Variants in TMCC1 observed in about 807,000 individuals in gnomAD.
The protein encoded by TMCC1 is transmembrane and coiled-coil domains protein 1.
In TMCC1, 15 loss-of-function variants were observed where a neutral mutation model predicts 52.4. That is an observed-to-expected ratio of 0.29 (90% CI 0.19 to 0.44). The LOEUF (loss-of-function observed/expected upper bound fraction) is 0.44, where lower values mean the gene tolerates loss of function less well. Among genes scored for constraint, TMCC1 ranks in the 20% least tolerant of loss-of-function variants. The pLI, the probability that TMCC1 is intolerant of heterozygous loss-of-function variation, is 1.00. For missense variants in TMCC1, 503 were observed against 806.0 expected (o/e 0.62, Z 4.55); for synonymous variants, 279 against 301.9 (o/e 0.92, Z 0.79).
chr3:129,725,478 C>A (rs2050001176), intron 4 of TMCC1, among the ~76,000 whole-genome samples: 1 of 151,482 alleles, frequency 6.6e-6, no homozygotes, highest in Non-Finnish European at 1.5e-5. Flanking sequence ...CGAAACATAG[C>A]ATCTTATTTT....
intron 4 of TMCC1, among the ~76,000 whole-genome samples, chr3:129,796,497 C>T (rs1248316412): frequency 6.6e-6 from 1 of 152,112 alleles, no homozygotes; most frequent in Admixed American, 6.6e-5. Flanking sequence ...TATCCCAACT[C>T]TTCAAATAAG....
chr3:129,714,252 G>A (rs2048906663), intron 4 of TMCC1, among the ~76,000 whole-genome samples: 1 of 152,148 alleles, frequency 6.6e-6, no homozygotes, highest in Non-Finnish European at 1.5e-5. Flanking sequence ...GACTGATAGT[G>A]TAAATTCCTA....
At chr3:129,723,360 CT>C (rs62761061) in intron 4 of TMCC1, among the ~76,000 whole-genome samples, 33,150 of 105,718 alleles carry the variant, frequency 0.31, 5,285 homozygotes, top group African/African-American at 0.6. Context: ...AAATCTTTTT[CT>C]TTTTTTTTTT....
rs118100775 is a variant in TMCC1, at chr3:129,657,364, T to C, written c.1512-2261A>G. On this transcript the variant is annotated intron_variant, in intron 5 of 6. Transcript: ENST00000393238. ...GCAACAGTTTAATCAGTGCCTACTA[T>C]GCAAATTCATTTCAACAACCCCAAG... Among the ~76,000 whole-genome samples the C allele has an allele frequency of 1.5e-3, 222 of 152,370 alleles. 5 individuals are homozygous for C. The East Asian group carries it at 0.039, about 27-fold the overall frequency.
intron 4 of TMCC1, among the ~76,000 whole-genome samples, chr3:129,752,581 G>A (rs542506241): frequency 1.1e-4 from 16 of 152,052 alleles, no homozygotes; most frequent in African/African-American, 2.7e-4. Context: ...CAGAAGAATC[G>A]CTTGAACCTG....
chr3:129,731,829 T>A (rs930162846), intron 4 of TMCC1, among the ~76,000 whole-genome samples: 5 of 152,052 alleles, frequency 3.3e-5, no homozygotes, highest in African/African-American at 1.2e-4. Context: ...TTTGCCATGC[T>A]GCCCAGGCTG....
chr3:129,725,031 T>A (rs2049960639), intron 4 of TMCC1, among the ~76,000 whole-genome samples: 1 of 152,224 alleles, frequency 6.6e-6, no homozygotes, highest in Non-Finnish European at 1.5e-5. Flanking sequence ...TACATATAAC[T>A]TATTTACAGA....
intron 4 of TMCC1, among the ~76,000 whole-genome samples, chr3:129,763,155 G>T: frequency 6.8e-6 from 1 of 146,186 alleles, no homozygotes. Context: ...CCGAGATCGC[G>T]CCACTGCACT....
chr3:129,801,738 G>A (rs1182520755), intron 4 of TMCC1, among the ~76,000 whole-genome samples: 3 of 152,178 alleles, frequency 2.0e-5, no homozygotes, highest in Admixed American at 6.5e-5. Flanking sequence ...CCCGGCCCAT[G>A]CCTGTTTTTG....
intron 2 of TMCC1, among the ~76,000 whole-genome samples, chr3:129,849,247 G>T (rs2059801094): frequency 6.6e-6 from 1 of 152,142 alleles, no homozygotes; most frequent in Non-Finnish European, 1.5e-5. Context: ...CAGATCACCT[G>T]AGGTCAGGAG....
chr3:129,825,803 A>T (rs2058632583), intron 4 of TMCC1, among the ~76,000 whole-genome samples: 2 of 152,220 alleles, frequency 1.3e-5, no homozygotes, highest in South Asian at 4.1e-4. Context: ...ACTGCAGCCA[A>T]GGGGCATGAG....
At chr3:129,678,086 C>T (rs1019488540) in intron 4 of TMCC1, among the ~76,000 whole-genome samples, 1 of 152,046 alleles carries the variant, frequency 6.6e-6, no homozygotes, top group African/African-American at 2.4e-5. Context: ...TGCCACCACA[C>T]CTGGCTAATT....
At chr3:129,711,670 C>T (rs1346620975) in intron 4 of TMCC1, among the ~76,000 whole-genome samples, 1 of 151,496 alleles carries the variant, frequency 6.6e-6, no homozygotes, top group Admixed American at 6.6e-5. Flanking sequence ...CATGATGAAA[C>T]CCTAACTCTA....
chr3:129,839,261 A>C (rs1259366390), intron 2 of TMCC1, among the ~76,000 whole-genome samples: 1 of 152,226 alleles, frequency 6.6e-6, no homozygotes, highest in East Asian at 1.9e-4. Context: ...CAACAATGGC[A>C]AAAGGGAAAA....
intron 4 of TMCC1, among the ~76,000 whole-genome samples, chr3:129,722,352 C>G (rs2049686655): frequency 6.6e-6 from 1 of 152,120 alleles, no homozygotes; most frequent in African/African-American, 2.4e-5. Flanking sequence ...GCCTGATGAC[C>G]TGAGGTGAAC....
chr3:129,719,097 G>A lies in TMCC1; in HGVS notation c.577-47833C>T, dbSNP rs184987925. ...GACGGCTGATGGTTGGCAGCTTCAG[G>A]GTGAGGCTGGTCATCAGAAAGACCA... On this transcript the variant is annotated intron_variant, in intron 4 of 6. Transcript: ENST00000393238. Among the ~76,000 whole-genome samples the A allele has an allele frequency of 3.3e-4, 50 of 152,226 alleles. 1 individual carries two copies. The highest frequency in any genetic ancestry group is 3.1e-3 in the Admixed American group (48 of 15,288).
chr3:129,776,249 A>G (rs571575378), intron 4 of TMCC1, among the ~76,000 whole-genome samples: 1 of 152,358 alleles, frequency 6.6e-6, no homozygotes, highest in East Asian at 1.9e-4. Flanking sequence ...TTCTATGAGA[A>G]GAGAAATCTT....
intron 2 of TMCC1, among the ~76,000 whole-genome samples, chr3:129,870,348 A>C (rs1435416356): frequency 1.3e-5 from 2 of 152,152 alleles, no homozygotes; most frequent in Non-Finnish European, 2.9e-5. Context: ...AAATCAGGAA[A>C]TCTTACAACT....
At chr3:129,808,264 C>T (rs971483719) in intron 4 of TMCC1, among the ~76,000 whole-genome samples, 2 of 152,018 alleles carry the variant, frequency 1.3e-5, no homozygotes, top group African/African-American at 4.8e-5. Flanking sequence ...AGGCAGATCA[C>T]CTGAGGTCAG....
Sources: allele counts gnomAD v4.1 joint callset (sites outside exome capture counted in the v4.1 genomes callset), GRCh38; gene constraint gnomAD v4.1.1; transcripts MANE v1.5; gene names NCBI Gene and HGNC (gene_info 2026-07-23, HGNC 2026-07-21).